The following AFDN variants were observed in gnomAD, a reference collection of about 807,000 sequenced individuals.
AFDN encodes afadin, adherens junction formation factor.
A neutral mutation model predicts 216.6 loss-of-function variants in AFDN; 68 were observed. The observed-to-expected ratio is 0.31, with a 90% CI of 0.26 to 0.38. AFDN has a LOEUF of 0.38. AFDN is among the 10% of genes least tolerant of loss of function. The pLI is 1.00. For synonymous variants in AFDN, 868 were observed against 853.7 expected (o/e 1.02, Z -0.29); for missense variants, 2,136 against 2,342.0 (o/e 0.91, Z 1.82).
chr6:167,841,898 G>T (rs1388127931), intron 1 of AFDN, among the ~76,000 whole-genome samples: 2 of 150,894 alleles, frequency 1.3e-5, no homozygotes, highest in Non-Finnish European at 2.9e-5. Flanking sequence ...CATTCCTTCT[G>T]TCTTACTTCC....
At chr6:167,826,846 C>G (rs1051613581), upstream of AFDN, 1 of 145,342 alleles carries the variant, frequency 6.9e-6, no homozygotes, top group East Asian at 2.0e-4. Context: ...GCACGGCGGG[C>G]GGCGGCGCGC....
At position 167,914,239 on chromosome 6, in the gene AFDN, G is replaced by A. The variant is rs1334361386; in HGVS notation, c.2130G>A (p.Lys710=). 1.2e-6 allele frequency: 2 copies of A among 1,614,046 alleles called. No individual in the cohort carries two copies. The highest frequency in any genetic ancestry group is 1.7e-6 in the Non-Finnish European group (2 of 1,180,030). Residue 710 remains lysine, a synonymous_variant, in exon 17 of 34, where the codon AAG becomes AAA. Coordinates refer to ENST00000683244, the MANE Select transcript of AFDN (RefSeq NM_001386888.1). The part of the protein sequence containing the change: ...ANASELLNFI[K]QDRDLSRITL... ...CATCTGAACTTCTCAACTTCATTAAGCAAGACCGAGACCTTAGTCGGATCA... is the reference window on the plus strand; with the variant it reads ...CATCTGAACTTCTCAACTTCATTAAACAAGACCGAGACCTTAGTCGGATCA...
intron 1 of AFDN, among the ~76,000 whole-genome samples, chr6:167,855,285 C>T (rs982111859): frequency 5.9e-5 from 9 of 152,024 alleles, no homozygotes; most frequent in African/African-American, 1.7e-4. Flanking sequence ...GTTAATTGGA[C>T]GGTTGAACTA....
chr6:167,966,390 A>G (rs1797567605), intron 32 of AFDN: 1 of 887,614 alleles, frequency 1.1e-6, no homozygotes, highest in Non-Finnish European at 1.5e-6. Flanking sequence ...TGGAATTTGG[A>G]TGTCATGTGA....
rs139237208 is a variant in AFDN at position 167,925,223 on chromosome 6, A to G, written c.3099+132A>G. The stretch of plus-strand genomic sequence containing the variant: ...TGCCTGTTCAGTTCTGTTTCTGCGT[A>G]GGAGAGGAATGGTGTTACATGAATG... On this transcript the variant is annotated intron_variant, in intron 23 of 33. Coordinates refer to ENST00000683244, the MANE Select transcript of AFDN (RefSeq NM_001386888.1). 6.8e-5 allele frequency: 45 copies of G among 665,344 alleles called. No homozygotes were observed. The African/African-American group carries it at 7.2e-4, about 11-fold the overall frequency. 41.2% of individuals were successfully genotyped at this position (665,344 alleles called of 1,614,324 possible).
At position 167,939,170 on chromosome 6, in the gene AFDN, A is replaced by G. The variant is rs941922202; in HGVS notation, c.3100-3959A>G. 5.3e-5 allele frequency among the ~76,000 whole-genome samples: 8 copies of G among 152,368 alleles called. No individual in the cohort carries two copies. The East Asian group carries it at 1.5e-3, about 29-fold the overall frequency. On this transcript the variant is annotated intron_variant, in intron 23 of 33. Coordinates refer to ENST00000683244, the MANE Select transcript of AFDN (RefSeq NM_001386888.1). ...ATAGTGTCACTAAAAATGCTGTATT[A>G]CTAATATTATTGCTAAACATTTTTC... is the stretch of plus-strand genomic sequence containing the variant.
At chr6:167,938,474 T>G (rs1328036445) in intron 23 of AFDN, among the ~76,000 whole-genome samples, 3 of 152,186 alleles carry the variant, frequency 2.0e-5, no homozygotes, top group African/African-American at 7.2e-5. Context: ...AGCTTCCTCA[T>G]TTTGCCAGAA....
rs145236654 is a variant in AFDN at position 167,861,382 on chromosome 6, C to G, written c.106-3169C>G. On this transcript the variant is annotated intron_variant, in intron 1 of 33. Coordinates refer to ENST00000683244, the MANE Select transcript of AFDN (RefSeq NM_001386888.1). Reference sequence around the variant, plus strand: ...AGGCTTTATTTAGGCTTGGTAGAACCTGGAACATTGTTTCCAGGAATACTC... The same window carrying G: ...AGGCTTTATTTAGGCTTGGTAGAACGTGGAACATTGTTTCCAGGAATACTC... 7.3e-3 allele frequency among the ~76,000 whole-genome samples: 1,113 copies of G among 152,266 alleles called. 9 individuals carry two copies. Among genetic ancestry groups the G allele is most frequent in the Middle Eastern group, 0.01 (3 of 294 alleles).
chr6:167,881,653 T>C lies in AFDN; in HGVS notation c.897+1136T>C, dbSNP rs190097102. On this transcript the variant is annotated intron_variant, in intron 6 of 33. Coordinates refer to ENST00000683244, the MANE Select transcript of AFDN (RefSeq NM_001386888.1). ...GTAAGAAGTGGCAGACTCCACCGGA[T>C]TCACTTCCCTACCCTAACTGCTGAA... Among the ~76,000 whole-genome samples, 32 of 152,326 alleles carry C rather than the reference T, an allele frequency of 2.1e-4. No homozygotes were observed. In the East Asian group the frequency reaches 4.2e-3, roughly 20 times the overall value.
intron 13 of AFDN, 70 bp from the exon 14 acceptor site, chr6:167,911,031 T>C: frequency 7.7e-7 from 1 of 1,301,120 alleles, no homozygotes; most frequent in Non-Finnish European, 1.1e-6. Flanking sequence ...TGCAGAAATC[T>C]ACACAGGTTG....
Position 167,827,197 on chromosome 6 carries a change from C to G in AFDN, c.65C>G (p.Ala22Gly), listed in dbSNP as rs765825279. The change falls in exon 1 of 34, where the codon GCC becomes GGC. Residue 22 changes from alanine to glycine, a missense_variant. Coordinates refer to ENST00000683244, the MANE Select transcript of AFDN (RefSeq NM_001386888.1). ...GCCGACATCATCCACCACTGGAACG[C>G]CAACCGGCTGGACCTGTTCGAGATC... ...KLADIIHHWN[A>G]NRLDLFEISQ... 1 of 1,297,354 alleles carries G rather than the reference C, an allele frequency of 7.7e-7. No individual in the cohort carries two copies. Among genetic ancestry groups the G allele is most frequent in the Middle Eastern group, 2.4e-4 (1 of 4,222 alleles). The allele number at this position is 1,297,354 out of a possible 1,614,324, so 80.4% of individuals were successfully genotyped here. A position where few individuals can be genotyped will look rare whatever the true frequency, so the allele number is the denominator to read the frequency against.
At chr6:167,945,518 T>C (rs1045236168) in intron 26 of AFDN, among the ~76,000 whole-genome samples, 2 of 152,220 alleles carry the variant, frequency 1.3e-5, no homozygotes, top group African/African-American at 4.8e-5. Context: ...TTATATACCG[T>C]GTATAATTGT....
chr6:167,832,983 A>G (rs1779991552), intron 1 of AFDN, among the ~76,000 whole-genome samples: 1 of 152,226 alleles, frequency 6.6e-6, no homozygotes, highest in Non-Finnish European at 1.5e-5. Context: ...GACAACAGCC[A>G]TAAACTGGAG....
chr6:167,835,466 G>T (rs1780323637), intron 1 of AFDN, among the ~76,000 whole-genome samples: 1 of 152,172 alleles, frequency 6.6e-6, no homozygotes, highest in African/African-American at 2.4e-5. Context: ...CAGCTGTCAA[G>T]CTGTGGTATG....
chr6:167,943,920 T>C (rs746127867), intron 25 of AFDN, 21 bp from the exon 26 acceptor site: 8 of 1,604,126 alleles, frequency 5.0e-6, no homozygotes, highest in Non-Finnish European at 6.8e-6. Context: ...CTTTCTTACA[T>C]GTGTAATCTT....
chr6:167,891,878 C>T (rs886251675), intron 8 of AFDN, among the ~76,000 whole-genome samples: 2 of 151,974 alleles, frequency 1.3e-5, no homozygotes, highest in East Asian at 1.9e-4. Flanking sequence ...AAAGAAAGCC[C>T]GAGTAGTAAT....
In AFDN at chr6:167,902,310, C is replaced by T. The variant is rs71573426; in HGVS notation, c.1581-7C>T. On this transcript the variant is annotated splice_polypyrimidine_tract_variant and splice_region_variant and intron_variant, in intron 11 of 33. Coordinates refer to ENST00000683244, the MANE Select transcript of AFDN (RefSeq NM_001386888.1). ...AAGTCAGTGTGTTTCTTGTTTTATC[C>T]CATCAGAATTGTTCAGGAGACAACT... 0.018 allele frequency: 28,501 copies of T among 1,604,346 alleles called. 292 individuals are homozygous for T. Among genetic ancestry groups the T allele is most frequent in the Non-Finnish European group, 0.02 (24,019 of 1,171,870 alleles).
chr6:167,929,434 A>G (rs1357430646), intron 23 of AFDN, among the ~76,000 whole-genome samples: 1 of 152,166 alleles, frequency 6.6e-6, no homozygotes, highest in African/African-American at 2.4e-5. Context: ...CTGAAGCTAG[A>G]TTGGGGATGT....
intron 1 of AFDN, chr6:167,863,723 T>A: frequency 3.9e-6 from 2 of 509,468 alleles, no homozygotes; most frequent in Admixed American, 2.0e-5. Context: ...CAGTTGTGAG[T>A]GTCAGCCCAC....
Sources: gnomAD v4.1 joint callset for allele counts (sites outside exome capture counted in the v4.1 genomes callset) on GRCh38, gnomAD v4.1.1 for gene constraint, MANE v1.5 for transcripts, NCBI Gene and HGNC (gene_info 2026-07-23, HGNC 2026-07-21) for gene names.